WDR41: variants seen among roughly 807,000 people sequenced by gnomAD.
WDR41 encodes WD repeat-containing protein 41.
WDR41 carries 63 observed loss-of-function variants against 69.3 expected under a neutral mutation model. The observed-to-expected ratio is 0.91, with a 90% CI of 0.74 to 1.12. WDR41 has a LOEUF of 1.12. WDR41 is among the 50% of genes most tolerant of loss of function. The probability of loss-of-function intolerance (pLI) is 0.00; values close to 1 mark genes in which losing one functional copy is unlikely to be tolerated. For missense variants in WDR41, 543 were observed against 534.5 expected, an observed-to-expected ratio of 1.02 and a Z score of -0.16; for synonymous variants, 185 against 192.1, an observed-to-expected ratio of 0.96 and a Z score of 0.31.
chr5:77,459,239 CAT>C (rs1443292693), intron 4 of WDR41, 115 bp from the exon 5 acceptor site: 20 of 741,554 alleles, frequency 2.7e-5, no homozygotes, highest in Admixed American at 1.0e-4. Flanking sequence ...TTAAATCAAA[CAT>C]AAAATATTTA....
At chr5:77,465,548 T>A (rs1581726023) in intron 2 of WDR41, among the ~76,000 whole-genome samples, 1 of 152,142 alleles carries the variant, frequency 6.6e-6, no homozygotes, top group East Asian at 1.9e-4. Context: ...CACCATATTA[T>A]ACTAAAATTC....
At chr5:77,582,571 A>T (rs1292552586) in intron 1 of WDR41, 1 of 1,599,842 alleles carries the variant, frequency 6.3e-7, no homozygotes, top group African/African-American at 1.3e-5. Context: ...GCAAATGTAC[A>T]GAACTGAAAT....
At chr5:77,541,345 GA>G (rs1270440757) in intron 1 of WDR41, among the ~76,000 whole-genome samples, 1 of 151,694 alleles carries the variant, frequency 6.6e-6, no homozygotes, top group East Asian at 1.9e-4. Flanking sequence ...CAACAAACAT[GA>G]AAAAAAGCTC....
At chr5:77,512,830 A>T (rs1240529891) in intron 1 of WDR41, among the ~76,000 whole-genome samples, 4 of 152,034 alleles carry the variant, frequency 2.6e-5, no homozygotes, top group Non-Finnish European at 5.9e-5. Flanking sequence ...GAACACTGAA[A>T]TCAAATTAAT....
intron 1 of WDR41, among the ~76,000 whole-genome samples, chr5:77,618,459 G>A (rs185353574): frequency 3.7e-3 from 563 of 151,788 alleles, no homozygotes; most frequent in African/African-American, 0.013. Context: ...TGCAACCTAC[G>A]CCTCCTGAGT....
chr5:77,614,381 G>C (rs1197793549), intron 1 of WDR41, among the ~76,000 whole-genome samples: 2 of 151,326 alleles, frequency 1.3e-5, no homozygotes, highest in African/African-American at 4.9e-5. Context: ...CAATAGCAAA[G>C]ACTTGGAACC....
At chr5:77,488,804 C>T (rs942994913) in intron 2 of WDR41, among the ~76,000 whole-genome samples, 7 of 151,866 alleles carry the variant, frequency 4.6e-5, no homozygotes, top group East Asian at 3.9e-4. Flanking sequence ...TTAGAGAGGA[C>T]GAAAATATTG....
chr5:77,603,394 G>T (rs545896867), intron 1 of WDR41, among the ~76,000 whole-genome samples: 1 of 152,228 alleles, frequency 6.6e-6, no homozygotes, highest in African/African-American at 2.4e-5. Context: ...CATGTCCTTT[G>T]CCCACTTTTC....
At chr5:77,504,790 T>C (rs999680695) in intron 1 of WDR41, among the ~76,000 whole-genome samples, 2 of 152,238 alleles carry the variant, frequency 1.3e-5, no homozygotes, top group East Asian at 3.9e-4. Context: ...ATTATCTCAA[T>C]AGATGCAGTA....
intron 1 of WDR41, among the ~76,000 whole-genome samples, chr5:77,509,088 C>T: frequency 6.6e-6 from 1 of 152,008 alleles, no homozygotes; most frequent in Admixed American, 6.6e-5. Context: ...CTTAACTGTC[C>T]CTCTCTCTGG....
upstream of WDR41, among the ~76,000 whole-genome samples, chr5:77,495,278 T>C (rs1463407759): frequency 6.6e-6 from 1 of 151,184 alleles, no homozygotes; most frequent in African/African-American, 2.4e-5. Flanking sequence ...TAATAAGAAT[T>C]AGAGCAGAGA....
chr5:77,449,761 A>G lies in WDR41; in HGVS notation c.696T>C (p.Asn232=), dbSNP rs142995409. Residue 232 remains asparagine (N), a splice_region_variant and synonymous_variant, in exon 8 of 13, where the codon AAT becomes AAC. Transcript: ENST00000296679. Reference sequence around the variant, plus strand: ...AATAAATGTACACAATGAGCTTACCATTGACATTAATCAATGAGAGAATAT... The same window carrying G: ...AATAAATGTACACAATGAGCTTACCGTTGACATTAATCAATGAGAGAATAT... ...QDNILSLINV[N]DLSFVTGSHV... The G allele has an allele frequency of 3.8e-6, 6 of 1,599,678 alleles. No individual in the cohort carries two copies. The highest frequency in any genetic ancestry group is 1.7e-4 in the Middle Eastern group (1 of 6,030).
At chr5:77,509,959 T>C (rs1375583046) in intron 1 of WDR41, among the ~76,000 whole-genome samples, 2 of 152,184 alleles carry the variant, frequency 1.3e-5, no homozygotes, top group African/African-American at 2.4e-5. Context: ...AACTCTTTAA[T>C]AGAACCTCTT....
chr5:77,454,434 T>G (rs1799749689), intron 5 of WDR41, among the ~76,000 whole-genome samples: 1 of 152,236 alleles, frequency 6.6e-6, no homozygotes, highest in South Asian at 2.1e-4. Flanking sequence ...GTTTATTGTT[T>G]TAAGCCACTA....
At chr5:77,468,918 T>A (rs75926795) in intron 2 of WDR41, among the ~76,000 whole-genome samples, 3 of 152,042 alleles carry the variant, frequency 2.0e-5, no homozygotes, top group South Asian at 2.1e-4. Context: ...AAGTCTCTTT[T>A]TTCTATGGTT....
chr5:77,548,533 G>C (rs1456806568), intron 1 of WDR41, among the ~76,000 whole-genome samples: 1 of 152,112 alleles, frequency 6.6e-6, no homozygotes, highest in Non-Finnish European at 1.5e-5. Flanking sequence ...AAAAATGCTT[G>C]ACATCACTAA....
intron 2 of WDR41, among the ~76,000 whole-genome samples, chr5:77,484,860 G>A (rs1801439466): frequency 6.6e-6 from 1 of 152,180 alleles, no homozygotes; most frequent in Non-Finnish European, 1.5e-5. Context: ...GTTGACTTCA[G>A]GATCCATTTC....
chr5:77,583,440 A>G lies in WDR41; in HGVS notation c.42+37039T>C, dbSNP rs188283707. On this transcript the variant is annotated intron_variant, in intron 1 of 5. Coordinates refer to the WDR41 transcript ENST00000509971. The stretch of plus-strand genomic sequence containing the variant: ...GATGTGAGGATCACTTGAGCCAGGG[A>G]GGCAGAGGTTGCAGTGAGTTGAGAT... Among the ~76,000 whole-genome samples, 76 of 151,830 alleles carry G rather than the reference A, an allele frequency of 5.0e-4. No homozygotes were observed. The East Asian group carries it at 0.014, about 28-fold the overall frequency.
At chr5:77,556,245 T>C (rs1199427113) in intron 1 of WDR41, among the ~76,000 whole-genome samples, 2 of 151,804 alleles carry the variant, frequency 1.3e-5, no homozygotes, top group African/African-American at 4.8e-5. Context: ...GCTGGGATTA[T>C]AGGCCCATGC....
Sources: allele counts gnomAD v4.1 joint callset (sites outside exome capture counted in the v4.1 genomes callset), GRCh38; gene constraint gnomAD v4.1.1; transcripts MANE v1.5; gene names NCBI Gene and HGNC (gene_info 2026-07-23, HGNC 2026-07-21).